Variants in PDE1C observed in about 807,000 individuals in gnomAD.
PDE1C encodes dual specificity calcium/calmodulin-dependent 3',5'-cyclic nucleotide phosphodiesterase 1C.
A neutral mutation model predicts 93.1 loss-of-function variants in PDE1C; 62 were observed. That is an observed-to-expected ratio of 0.67 (90% CI 0.54 to 0.82). The LOEUF (loss-of-function observed/expected upper bound fraction) is 0.82. Ranked by LOEUF, PDE1C falls within the 40% of genes least tolerant of loss-of-function variation. The probability of loss-of-function intolerance (pLI) is 0.00; values close to 1 mark genes in which losing one functional copy is unlikely to be tolerated. For synonymous variants in PDE1C, 325 were observed against 310.1 expected (o/e 1.05, Z -0.50); for missense variants, 742 against 884.6 (o/e 0.84, Z 2.04).
At chr7:32,412,258 C>T (rs1391830674) in intron 1 of PDE1C, among the ~76,000 whole-genome samples, 3 of 151,902 alleles carry the variant, frequency 2.0e-5, no homozygotes, top group Non-Finnish European at 4.4e-5. Flanking sequence ...AGTTCGAGAC[C>T]AGCCTGGCCA....
At chr7:32,315,185 T>G (rs1169956738) in intron 1 of PDE1C, among the ~76,000 whole-genome samples, 1 of 150,676 alleles carries the variant, frequency 6.6e-6, no homozygotes, top group Admixed American at 6.6e-5. Flanking sequence ...GACAGGAAGG[T>G]GAGCAAGAAC....
At chr7:32,239,145 TG>T (rs1424058007) in intron 1 of PDE1C, among the ~76,000 whole-genome samples, 4 of 152,176 alleles carry the variant, frequency 2.6e-5, no homozygotes, top group Admixed American at 1.3e-4. Flanking sequence ...AAGGATCGCT[TG>T]TGCTCAGCTC....
chr7:32,365,341 C>T (rs1032397237), intron 1 of PDE1C, among the ~76,000 whole-genome samples: 5 of 152,182 alleles, frequency 3.3e-5, no homozygotes, highest in African/African-American at 1.2e-4. Flanking sequence ...CAGACATGCA[C>T]CTGTGCCAGC....
chr7:32,090,661 A>G (rs1413505863), intron 3 of PDE1C, among the ~76,000 whole-genome samples: 4 of 152,196 alleles, frequency 2.6e-5, no homozygotes, highest in Non-Finnish European at 2.9e-5. Flanking sequence ...GCCCTTTTAG[A>G]TGTCCTTGGA....
At chr7:31,679,659 C>T in the PDE1C span, among the ~76,000 whole-genome samples, 18 of 152,170 alleles carry the variant, frequency 1.2e-4, no homozygotes. Context: ...TCTATGTGCC[C>T]TTTGGGAAAA....
At chr7:32,361,619 T>C (rs1224708928) in intron 1 of PDE1C, among the ~76,000 whole-genome samples, 1 of 152,130 alleles carries the variant, frequency 6.6e-6, no homozygotes, top group Non-Finnish European at 1.5e-5. Flanking sequence ...CTGGGGGAAA[T>C]TGTGATCTCT....
At chr7:31,711,165 T>C in the PDE1C span, among the ~76,000 whole-genome samples, 1 of 152,218 alleles carries the variant, frequency 6.6e-6, no homozygotes, top group Non-Finnish European at 1.5e-5. Context: ...ATGTCAAATA[T>C]GTATTTTGAG....
chr7:31,756,655 C>T (rs1350222597), intron 17 of PDE1C, among the ~76,000 whole-genome samples: 1 of 152,160 alleles, frequency 6.6e-6, no homozygotes, highest in Non-Finnish European at 1.5e-5. Context: ...AGGTAAAATA[C>T]TCATTGACTT....
intron 2 of PDE1C, among the ~76,000 whole-genome samples, chr7:31,993,525 T>C (rs1248796468): frequency 6.6e-6 from 1 of 152,158 alleles, no homozygotes; most frequent in African/African-American, 2.4e-5. Context: ...GATGGATGAA[T>C]AGCCTCTATA....
chr7:32,141,079 G>A (rs1186942811), intron 3 of PDE1C, among the ~76,000 whole-genome samples: 1 of 152,200 alleles, frequency 6.6e-6, no homozygotes, highest in Non-Finnish European at 1.5e-5. Context: ...ATTTAAGTGG[G>A]GAAGCAAAAA....
chr7:31,659,154 T>C, the PDE1C span, among the ~76,000 whole-genome samples: 2 of 152,180 alleles, frequency 1.3e-5, no homozygotes, highest in Non-Finnish European at 2.9e-5. Context: ...CAAGTGTTTA[T>C]ATATATATTT....
chr7:31,838,013 A>C, intron 9 of PDE1C, 42 bp from the exon 10 acceptor site: 3 of 1,311,054 alleles, frequency 2.3e-6, no homozygotes, highest in Middle Eastern at 1.9e-4. Flanking sequence ...GGAAGTCAAA[A>C]ATGGAAAGTA....
chr7:32,041,479 G>A (rs2128661443), intron 2 of PDE1C, among the ~76,000 whole-genome samples: 1 of 152,252 alleles, frequency 6.6e-6, no homozygotes, highest in African/African-American at 2.4e-5. Flanking sequence ...GCAGAGCTGA[G>A]TGTGACTTCA....
At chr7:31,997,349 C>T (rs1012913477) in intron 2 of PDE1C, among the ~76,000 whole-genome samples, 1 of 152,174 alleles carries the variant, frequency 6.6e-6, no homozygotes, top group African/African-American at 2.4e-5. Flanking sequence ...CTAGTAGATG[C>T]TTAAGAAATG....
intron 3 of PDE1C, among the ~76,000 whole-genome samples, chr7:32,142,100 G>A (rs1213539871): frequency 6.6e-6 from 1 of 151,824 alleles, no homozygotes; most frequent in Non-Finnish European, 1.5e-5. Flanking sequence ...AAGACAAAGA[G>A]AATAGGACAA....
intron 2 of PDE1C, among the ~76,000 whole-genome samples, chr7:31,969,672 G>T (rs527771027): frequency 1.4e-4 from 21 of 152,222 alleles, no homozygotes; most frequent in African/African-American, 5.1e-4. Context: ...AAATCATGCT[G>T]CTATAAAGAC....
At chr7:32,018,396 A>G (rs1788196913) in intron 2 of PDE1C, among the ~76,000 whole-genome samples, 1 of 152,168 alleles carries the variant, frequency 6.6e-6, no homozygotes, top group South Asian at 2.1e-4. Flanking sequence ...ATTATTCATA[A>G]TAACCAAAAT....
intron 1 of PDE1C, among the ~76,000 whole-genome samples, chr7:32,371,546 T>C (rs1050050757): frequency 6.6e-5 from 10 of 152,216 alleles, no homozygotes; most frequent in African/African-American, 2.4e-4. Context: ...ATGAAGGGCA[T>C]GGATGGGTAC....
intron 2 of PDE1C, among the ~76,000 whole-genome samples, chr7:31,993,548 CT>C (rs1263575144): frequency 1.3e-5 from 2 of 152,088 alleles, no homozygotes; most frequent in Admixed American, 1.3e-4. Context: ...TCTAATTTTT[CT>C]TATTGCAAAA....
Sources: allele counts gnomAD v4.1 joint callset (sites outside exome capture counted in the v4.1 genomes callset), GRCh38; gene constraint gnomAD v4.1.1; transcripts MANE v1.5; gene names NCBI Gene and HGNC (gene_info 2026-07-23, HGNC 2026-07-21).